The following XPO5 variants were observed in gnomAD, a reference collection of about 807,000 sequenced individuals.
The protein encoded by XPO5 is exportin 5.
Under a neutral mutation model 160.6 loss-of-function variants are expected in XPO5, and 46 were observed. The ratio of observed to expected loss-of-function variants is 0.29; its 90% CI spans 0.23 to 0.37. The LOEUF is 0.37. Among genes scored for constraint, XPO5 ranks in the 10% least tolerant of loss-of-function variants. XPO5 has a pLI of 1.00. For missense variants in XPO5, 1,090 were observed against 1,463.9 expected (o/e 0.74, Z 4.17); for synonymous variants, 537 against 519.3 (o/e 1.03, Z -0.46).
In XPO5 at chr6:43,525,821, C is replaced by T; in HGVS notation, c.3066+18G>A. 1 of 1,613,702 alleles carries T rather than the reference C, an allele frequency of 6.2e-7. No homozygotes were observed. ...ACCTGGGCAAGGAGTAAAGGTATCA[C>T]CTGCTCCTTCTACCCACCTCATGCT... On this transcript the variant is annotated intron_variant, in intron 28 of 31. Transcript: ENST00000265351.
At chr6:43,539,613 T>C (rs1794573410) in intron 20 of XPO5, 6 of 1,375,808 alleles carry the variant, frequency 4.4e-6, no homozygotes, top group Non-Finnish European at 3.0e-6. Flanking sequence ...CGGATGCCAC[T>C]GGCGAAACCT....
chr6:43,534,340 A>ATGAAATG (rs1794182327), intron 20 of XPO5, among the ~76,000 whole-genome samples: 1 of 152,220 alleles, frequency 6.6e-6, no homozygotes, highest in Non-Finnish European at 1.5e-5. Flanking sequence ...GTGATACGGA[A>ATGAAATG]TGAAATGTGT....
Position 43,569,211 on chromosome 6 carries a change from G to C in XPO5, c.622-474C>G, listed in dbSNP as rs976771729. ...GGAAGCTGAGGCAGAAGAATCACTC[G>C]AACCCGGGAGGCAGAGGTTGCAGTG... On this transcript the variant is annotated intron_variant, in intron 5 of 31. Transcript: ENST00000265351. Among the ~76,000 whole-genome samples the C allele has an allele frequency of 2.0e-5, 3 of 150,300 alleles. No individual in the cohort carries two copies. In the Admixed American group the frequency reaches 2.0e-4, roughly 10 times the overall value.
rs6936953 is a variant in XPO5 at position 43,567,618 on chromosome 6, T to C, written c.649-264A>G. Among the ~76,000 whole-genome samples the C allele has an allele frequency of 0.19, 28,765 of 151,980 alleles. 5,829 individuals carry two copies. Among genetic ancestry groups the C allele is most frequent in the African/African-American group, 0.51 (21,209 of 41,380 alleles). ...TATCATTTTACTTCCCAAGGCTGGGTGCAGTGGCACACACCTGCAATACCA... is the reference window on the plus strand; with the variant it reads ...TATCATTTTACTTCCCAAGGCTGGGCGCAGTGGCACACACCTGCAATACCA... On this transcript the variant is annotated intron_variant, in intron 6 of 31. Coordinates refer to ENST00000265351, the MANE Select transcript of XPO5 (RefSeq NM_020750.3).
At chr6:43,554,278 G>C (rs191278648) in intron 13 of XPO5, among the ~76,000 whole-genome samples, 4 of 150,944 alleles carry the variant, frequency 2.6e-5, no homozygotes, top group Admixed American at 6.6e-5. Context: ...GCTAATTTTT[G>C]TATTTTTTTT....
rs781378686 is a variant in XPO5 at position 43,551,304 on chromosome 6, G to A, written c.1722C>T (p.Phe574=). The A allele has an allele frequency of 8.1e-6, 13 of 1,610,670 alleles. No individual in the cohort carries two copies. In the Admixed American group the frequency reaches 1.0e-4, roughly 13 times the overall value. Reference sequence around the variant, plus strand: ...AAGGAGATGGGCTTTATACCTTAGAGAAGACCTGGGGCAGGAACTCTGGTC... The same window carrying A: ...AAGGAGATGGGCTTTATACCTTAGAAAAGACCTGGGGCAGGAACTCTGGTC... The part of the protein sequence containing the change: ...TYRPEFLPQV[F]SKLFSSVTFE... The change falls in exon 15 of 32, where the codon TTC becomes TTT. Residue 574 remains phenylalanine, a synonymous_variant. Coordinates refer to ENST00000265351, the MANE Select transcript of XPO5 (RefSeq NM_020750.3).
chr6:43,566,768 C>T (rs1366881629), intron 7 of XPO5: 1 of 203,096 alleles, frequency 4.9e-6, no homozygotes, highest in Non-Finnish European at 1.1e-5. Context: ...CAACATCACG[C>T]CACTGCACTC....
At chr6:43,558,694 G>C (rs1762244977) in intron 11 of XPO5, 103 bp from the exon 12 acceptor site, 1 of 827,128 alleles carries the variant, frequency 1.2e-6, no homozygotes, top group South Asian at 1.9e-5. Context: ...TAAGAGTTAA[G>C]CGTTTGCATG....
intron 6 of XPO5, among the ~76,000 whole-genome samples, 180 bp downstream of exon 6, chr6:43,568,531 G>A (rs948505172): frequency 4.6e-5 from 7 of 151,144 alleles, no homozygotes; most frequent in African/African-American, 1.7e-4. Flanking sequence ...ACTTGAGCTG[G>A]GGAGGTCATG....
At chr6:43,560,395 G>A in intron 10 of XPO5, 92 bp from the exon 11 acceptor site, 1 of 1,420,464 alleles carries the variant, frequency 7.0e-7, no homozygotes, top group South Asian at 1.4e-5. Flanking sequence ...TTTTTTCATA[G>A]AAATAAATCT....
In XPO5 at chr6:43,528,175, G is replaced by C; in HGVS notation, c.2806C>G (p.Gln936Glu). The C allele has an allele frequency of 6.3e-7, 1 of 1,594,504 alleles. No individual in the cohort carries two copies. Among genetic ancestry groups the C allele is most frequent in the Admixed American group, 1.8e-5 (1 of 56,974 alleles). Residue 936 changes from glutamine to glutamate, a missense_variant, in exon 25 of 32, where the codon CAA becomes GAA. Coordinates refer to ENST00000265351, the MANE Select transcript of XPO5 (RefSeq NM_020750.3). ...RLSQKWQVINQRSLLCGEDEA... is the reference protein window; with the variant it reads ...RLSQKWQVINERSLLCGEDEA... ...ATCCCTTACCACAGCAGGCTCCTTT[G>C]GTTGATAACTTGCCATTTCTGAGAA...
At chr6:43,563,843 T>C (rs938608257) in intron 8 of XPO5, among the ~76,000 whole-genome samples, 1 of 152,074 alleles carries the variant, frequency 6.6e-6, no homozygotes, top group African/African-American at 2.4e-5. Flanking sequence ...CCAGAGTGAG[T>C]GGTGAGTGAA....
chr6:43,540,045 AG>A (rs1794603210), intron 20 of XPO5, among the ~76,000 whole-genome samples: 1 of 152,254 alleles, frequency 6.6e-6, no homozygotes, highest in South Asian at 2.1e-4. Flanking sequence ...ACCTGAGATC[AG>A]GAGTTTGAGA....
At chr6:43,524,789 A>G (rs1793451098) in intron 30 of XPO5, 42 bp downstream of exon 30, 2 of 1,595,946 alleles carry the variant, frequency 1.3e-6, no homozygotes, top group Non-Finnish European at 1.7e-6. Context: ...AGACTGAGTG[A>G]TGAAGCTGCA....
Position 43,548,394 on chromosome 6 carries a change from T to A in XPO5, c.1927A>T (p.Met643Leu). ...LLSNELLLTQ[M>L]EKCALMEALV... is the part of the protein sequence containing the mutation. ...GCTTCCATGAGGGCACACTTCTCCA[T>A]TTGTGTCAGGAGTAGCTCATTGGAG... The change falls in exon 18 of 32, where the codon ATG (methionine) becomes TTG (leucine). Residue 643 changes from methionine (M) to leucine (L), a missense_variant. Physicochemically the swap from Met to Leu is conservative, Grantham distance 15 (BLOSUM62 2). Around this residue, in one of 3 missense-constraint regions of XPO5, gnomAD observed 810 missense variants for 1,139.0 expected, o/e 0.71. Coordinates refer to ENST00000265351, the MANE Select transcript of XPO5 (RefSeq NM_020750.3). 1 of 1,612,916 alleles carries A rather than the reference T, an allele frequency of 6.2e-7. No individual in the cohort carries two copies. Among genetic ancestry groups the A allele is most frequent in the Admixed American group, 1.7e-5 (1 of 59,986 alleles).
intron 14 of XPO5, 141 bp downstream of exon 14, chr6:43,553,232 T>G: frequency 9.4e-7 from 1 of 1,067,354 alleles, no homozygotes; most frequent in Non-Finnish European, 1.3e-6. Context: ...AGCCCAGGAG[T>G]TGGAGGTTAC....
At chr6:43,564,418 T>G (rs982933349) in intron 8 of XPO5, among the ~76,000 whole-genome samples, 1 of 151,770 alleles carries the variant, frequency 6.6e-6, no homozygotes, top group Non-Finnish European at 1.5e-5. Context: ...AATCCCAGCT[T>G]CCTGGGAGGG....
At position 43,555,980 on chromosome 6, in the gene XPO5, G is replaced by A. The variant is rs1762058737; in HGVS notation, c.1313-16C>T. ...GCTCGGGAGGCTGCCAAGAGAAAAT[G>A]CCAAGGGAAGGACAGGAATCAATAA... On this transcript the variant is annotated splice_polypyrimidine_tract_variant and intron_variant, in intron 12 of 31. Coordinates refer to ENST00000265351, the MANE Select transcript of XPO5 (RefSeq NM_020750.3). 1 of 1,613,160 alleles carries A rather than the reference G, an allele frequency of 6.2e-7. No individual in the cohort carries two copies. The highest frequency in any genetic ancestry group is 8.5e-7 in the Non-Finnish European group (1 of 1,179,476).
intron 20 of XPO5, among the ~76,000 whole-genome samples, chr6:43,541,531 T>A (rs536219727): frequency 1.3e-5 from 2 of 152,222 alleles, no homozygotes; most frequent in Non-Finnish European, 2.9e-5. Context: ...TCCAAAACGT[T>A]TCCATGGCCC....
Sources: allele counts gnomAD v4.1 joint callset (sites outside exome capture counted in the v4.1 genomes callset), GRCh38; gene constraint gnomAD v4.1.1; regional missense constraint gnomAD v4.1.1; transcripts MANE v1.5; gene names NCBI Gene and HGNC (gene_info 2026-07-23, HGNC 2026-07-21).